Variants in RPTOR observed in about 807,000 individuals in gnomAD.
RPTOR encodes regulatory-associated protein of mTOR.
RPTOR carries 21 observed loss-of-function variants against 169.9 expected under a neutral mutation model. The ratio of observed to expected loss-of-function variants is 0.12; its 90% CI spans 0.09 to 0.18. RPTOR has a LOEUF of 0.18. RPTOR is among the 10% of genes least tolerant of loss of function. The pLI is 1.00. For missense variants in RPTOR, 1,133 were observed against 1,855.9 expected (o/e 0.61, Z 7.16); for synonymous variants, 732 against 753.2 (o/e 0.97, Z 0.46).
At chr17:80,871,485 C>T (rs2068051828) in intron 13 of RPTOR, among the ~76,000 whole-genome samples, 1 of 152,142 alleles carries the variant, frequency 6.6e-6, no homozygotes, top group Non-Finnish European at 1.5e-5. Context: ...TCCCTGGTGG[C>T]GCTGGCCTGG....
At chr17:80,706,436 T>C (rs896921146) in intron 3 of RPTOR, among the ~76,000 whole-genome samples, 1 of 152,212 alleles carries the variant, frequency 6.6e-6, no homozygotes, top group Non-Finnish European at 1.5e-5. Flanking sequence ...GTCTGTCTCC[T>C]CCTTGGCCCG....
chr17:80,855,009 C>T (rs139228620), intron 11 of RPTOR, among the ~76,000 whole-genome samples: 31 of 152,296 alleles, frequency 2.0e-4, no homozygotes, highest in African/African-American at 6.5e-4. Flanking sequence ...AAGTACTGTG[C>T]CGCCTTTGGG....
At chr17:80,648,690 C>T (rs1010635080) in intron 3 of RPTOR, among the ~76,000 whole-genome samples, 7 of 152,112 alleles carry the variant, frequency 4.6e-5, no homozygotes, top group Admixed American at 2.0e-4. Flanking sequence ...TCACTCGCTT[C>T]CTTGTGCCCC....
intron 1 of RPTOR, among the ~76,000 whole-genome samples, chr17:80,559,887 G>A (rs1182201572): frequency 6.6e-6 from 1 of 152,200 alleles, no homozygotes; most frequent in Non-Finnish European, 1.5e-5. Flanking sequence ...TGAGGTAAAC[G>A]TTACATATGG....
intron 13 of RPTOR, among the ~76,000 whole-genome samples, chr17:80,862,425 C>G (rs1315059580): frequency 6.6e-6 from 1 of 152,094 alleles, no homozygotes; most frequent in Non-Finnish European, 1.5e-5. Context: ...CTTCCCCTCC[C>G]CACGTCTGGC....
chr17:80,887,911 C>T (rs1295625947), intron 17 of RPTOR, among the ~76,000 whole-genome samples: 2 of 152,114 alleles, frequency 1.3e-5, no homozygotes, highest in Non-Finnish European at 2.9e-5. Context: ...ACAAAACCTG[C>T]AGTCAGCAGC....
At chr17:80,940,687 C>A in intron 25 of RPTOR, 86 bp downstream of exon 25, 1 of 1,095,712 alleles carries the variant, frequency 9.1e-7, no homozygotes, top group Non-Finnish European at 1.3e-6. Flanking sequence ...CCCCCCGCGG[C>A]CCACGCACAA....
intron 1 of RPTOR, among the ~76,000 whole-genome samples, chr17:80,599,398 GTGC>G (rs1308329792): frequency 1.3e-5 from 2 of 152,180 alleles, no homozygotes; most frequent in African/African-American, 4.8e-5. Flanking sequence ...TGATTGTTTT[GTGC>G]TGCTAAGTAA....
chr17:80,670,189 C>T (rs149767425), intron 3 of RPTOR, among the ~76,000 whole-genome samples: 1 of 152,302 alleles, frequency 6.6e-6, no homozygotes, highest in African/African-American at 2.4e-5. Context: ...TGACCTTAAG[C>T]CAGTTTCTTG....
At chr17:80,954,756 A>C (rs2069227312) in intron 28 of RPTOR, among the ~76,000 whole-genome samples, 1 of 152,192 alleles carries the variant, frequency 6.6e-6, no homozygotes, top group African/African-American at 2.4e-5. Context: ...ATCTCTACTA[A>C]AAATACAAAA....
At position 80,685,643 on chromosome 17, in the gene RPTOR, T is replaced by A. The variant is rs796804234; in HGVS notation, c.349-22198T>A. On this transcript the variant is annotated intron_variant, in intron 3 of 33. Coordinates refer to ENST00000306801, the MANE Select transcript of RPTOR (RefSeq NM_020761.3). ...TATATATATATTTTTTTTTTTTTTT[T>A]TTTTTTTTTTTTTTGCTGTGAATTA... is the stretch of plus-strand genomic sequence containing the variant. Among the ~76,000 whole-genome samples, 77 of 94,530 alleles carry A rather than the reference T, an allele frequency of 8.1e-4. 1 individual carries two copies. The highest frequency in any genetic ancestry group is 5.3e-3 in the East Asian group (14 of 2,658). The allele number at this position is 94,530 out of a possible 152,430, so 62.0% of individuals were successfully genotyped here.
intron 5 of RPTOR, among the ~76,000 whole-genome samples, chr17:80,734,424 G>T (rs1282318166): frequency 6.6e-6 from 1 of 152,174 alleles, no homozygotes; most frequent in Non-Finnish European, 1.5e-5. Context: ...TTCTCCTAGG[G>T]GAAATCCTCA....
Position 80,723,243 on chromosome 17 carries a change from A to G in RPTOR, c.508-7317A>G, listed in dbSNP as rs1160957732. Among the ~76,000 whole-genome samples the G allele has an allele frequency of 2.0e-5, 3 of 151,148 alleles. No individual in the cohort carries two copies. In the East Asian group the frequency reaches 5.8e-4, roughly 29 times the overall value. On this transcript the variant is annotated intron_variant, in intron 4 of 33. Transcript: ENST00000306801. ...TAATTCATAAGCATTTGAAGGAGAT[A>G]CTTTGAGAGTATGCAGATATCCTGT...
At chr17:80,809,167 C>A (rs1021708394) in intron 7 of RPTOR, among the ~76,000 whole-genome samples, 2 of 152,246 alleles carry the variant, frequency 1.3e-5, no homozygotes, top group Admixed American at 6.5e-5. Flanking sequence ...CATGTCGACA[C>A]TTGGCATTCT....
rs181189199 is a variant in RPTOR at position 80,633,783 on chromosome 17, C to T, written c.265+7990C>T. 1.6e-4 allele frequency among the ~76,000 whole-genome samples: 24 copies of T among 152,338 alleles called. No individual in the cohort carries two copies. The highest frequency in any genetic ancestry group is 2.6e-4 in the Admixed American group (4 of 15,300). Reference sequence around the variant, plus strand: ...TGAACTCATGGCCTCCATTTTCATTCAGTGGATTTAGAATCCAGTGTTATC... The same window carrying T: ...TGAACTCATGGCCTCCATTTTCATTTAGTGGATTTAGAATCCAGTGTTATC... On this transcript the variant is annotated intron_variant, in intron 2 of 33. Coordinates refer to ENST00000306801, the MANE Select transcript of RPTOR (RefSeq NM_020761.3). The surrounding 1 kb of genome is among the most constrained non-coding windows in gnomAD (Gnocchi z 4.1).
At chr17:80,865,665 T>C (rs1242257146) in intron 13 of RPTOR, among the ~76,000 whole-genome samples, 1 of 152,068 alleles carries the variant, frequency 6.6e-6, no homozygotes, top group Non-Finnish European at 1.5e-5. Flanking sequence ...CCAACAAAAC[T>C]GATGGAACTG....
intron 6 of RPTOR, among the ~76,000 whole-genome samples, chr17:80,783,827 A>G (rs1191507456): frequency 1.3e-5 from 2 of 152,242 alleles, no homozygotes; most frequent in East Asian, 3.8e-4. Context: ...TGAAATAGCA[A>G]ACTCTTGCAC....
chr17:80,870,936 C>G (rs922010243), intron 13 of RPTOR, among the ~76,000 whole-genome samples: 1 of 152,196 alleles, frequency 6.6e-6, no homozygotes, highest in African/African-American at 2.4e-5. Flanking sequence ...GATTTTCTTG[C>G]TAATGTCCTT....
chr17:80,787,314 T>C (rs780097898), intron 6 of RPTOR, among the ~76,000 whole-genome samples: 1 of 152,234 alleles, frequency 6.6e-6, no homozygotes, highest in Non-Finnish European at 1.5e-5. Flanking sequence ...TATTGATGTG[T>C]GTTTAGCTAG....
Sources: gnomAD v4.1 joint callset for allele counts (sites outside exome capture counted in the v4.1 genomes callset) on GRCh38, gnomAD v4.1.1 for gene constraint, Gnocchi (gnomAD v3.1) non-coding constraint, MANE v1.5 for transcripts, NCBI Gene and HGNC (gene_info 2026-07-23, HGNC 2026-07-21) for gene names.